Variants in IPO11 observed in about 807,000 individuals in gnomAD.
IPO11 encodes importin 11, also known as importin-11.
IPO11 carries 66 observed loss-of-function variants against 143.2 expected under a neutral mutation model. That is an observed-to-expected ratio of 0.46 (90% CI 0.38 to 0.57). The LOEUF is 0.57. Among genes scored for constraint, IPO11 ranks in the 20% least tolerant of loss-of-function variants. The pLI is 0.00. For synonymous variants in IPO11, 385 were observed against 377.8 expected (o/e 1.02, Z -0.22); for missense variants, 1,026 against 1,141.0 (o/e 0.90, Z 1.45).
chr5:62,513,418 C>A (rs976500289), intron 19 of IPO11, among the ~76,000 whole-genome samples: 1 of 141,314 alleles, frequency 7.1e-6, no homozygotes, highest in South Asian at 2.3e-4. Flanking sequence ...GCGCTGACCC[C>A]CCCCCCACCT....
chr5:62,522,907 C>G (rs1342976385), intron 20 of IPO11, among the ~76,000 whole-genome samples: 1 of 152,196 alleles, frequency 6.6e-6, no homozygotes, highest in Admixed American at 6.5e-5. Flanking sequence ...TAGAAGTCCT[C>G]TTATTATTAA....
At chr5:62,597,316 T>C (rs1342818119) in intron 28 of IPO11, among the ~76,000 whole-genome samples, 1 of 152,228 alleles carries the variant, frequency 6.6e-6, no homozygotes, top group Non-Finnish European at 1.5e-5. Flanking sequence ...AAAGTAGGTT[T>C]ATCAGGTGTT....
intron 27 of IPO11, chr5:62,581,435 T>G (rs1020447459): frequency 9.0e-6 from 7 of 778,668 alleles, no homozygotes; most frequent in African/African-American, 3.7e-5. Flanking sequence ...TATTAAAATA[T>G]GTTTTTAATA....
At chr5:62,512,075 G>A (rs1261976735) in intron 19 of IPO11, among the ~76,000 whole-genome samples, 1 of 152,220 alleles carries the variant, frequency 6.6e-6, no homozygotes, top group African/African-American at 2.4e-5. Flanking sequence ...GGTGGAGGTG[G>A]CTCTACTCAA....
At chr5:62,624,917 G>A (rs916537060) in intron 29 of IPO11, among the ~76,000 whole-genome samples, 12 of 150,952 alleles carry the variant, frequency 7.9e-5, no homozygotes, top group Non-Finnish European at 1.5e-4. Flanking sequence ...CCCAGGAGGC[G>A]GAGCTTGCAG....
At chr5:62,494,223 A>T in intron 16 of IPO11, 99 bp downstream of exon 16, 2 of 1,084,192 alleles carry the variant, frequency 1.8e-6, no homozygotes, top group Non-Finnish European at 2.6e-6. Context: ...TATGATGTTT[A>T]TGGCCTTTCA....
chr5:62,444,728 G>T (rs866060040), intron 3 of IPO11, among the ~76,000 whole-genome samples: 3 of 151,994 alleles, frequency 2.0e-5, no homozygotes, highest in Non-Finnish European at 2.9e-5. Context: ...AATTAGCCAG[G>T]TGTGGTGGCG....
chr5:62,447,544 C>T (rs1052708742), intron 3 of IPO11, among the ~76,000 whole-genome samples: 1 of 151,676 alleles, frequency 6.6e-6, no homozygotes, highest in Non-Finnish European at 1.5e-5. Context: ...GAAGTAGGGA[C>T]GTGTTCTTTC....
chr5:62,556,830 CTT>C (rs1277047719), intron 26 of IPO11, among the ~76,000 whole-genome samples: 2 of 152,090 alleles, frequency 1.3e-5, no homozygotes, highest in Non-Finnish European at 2.9e-5. Flanking sequence ...TTTCCATCCT[CTT>C]TTATTTTTCC....
At chr5:62,518,443 C>CAA (rs34612879) in intron 20 of IPO11, among the ~76,000 whole-genome samples, 20 of 132,724 alleles carry the variant, frequency 1.5e-4, no homozygotes, top group Non-Finnish European at 2.0e-4. Flanking sequence ...GACTCTGTCT[C>CAA]AAAAAAAAAA....
intron 1 of IPO11, among the ~76,000 whole-genome samples, chr5:62,426,112 C>G (rs1040729918): frequency 1.3e-5 from 2 of 152,136 alleles, no homozygotes; most frequent in Non-Finnish European, 2.9e-5. Flanking sequence ...ACCGGCTGGT[C>G]GTGGTGGCTC....
chr5:62,471,931 T>C (rs1369141611), intron 7 of IPO11, among the ~76,000 whole-genome samples: 1 of 152,212 alleles, frequency 6.6e-6, no homozygotes, highest in Non-Finnish European at 1.5e-5. Context: ...AAATGTTGGG[T>C]TAAGCATATG....
intron 24 of IPO11, among the ~76,000 whole-genome samples, chr5:62,537,737 G>A (rs761012982): frequency 2.2e-4 from 33 of 151,968 alleles, no homozygotes; most frequent in African/African-American, 3.4e-4. Context: ...AGAATACCAC[G>A]TTTGTTGATA....
intron 12 of IPO11, among the ~76,000 whole-genome samples, chr5:62,486,704 A>AT (rs957988950): frequency 1.3e-5 from 2 of 152,174 alleles, no homozygotes; most frequent in African/African-American, 4.8e-5. Context: ...ATTACTGGTG[A>AT]TTTTAAAACT....
At chr5:62,577,301 AT>A in intron 27 of IPO11, among the ~76,000 whole-genome samples, 1 of 152,070 alleles carries the variant, frequency 6.6e-6, no homozygotes, top group Non-Finnish European at 1.5e-5. Context: ...TTATTTTGTC[AT>A]TTTTCCTTAA....
intron 28 of IPO11, among the ~76,000 whole-genome samples, chr5:62,598,527 T>TTTC (rs1554057723): frequency 2.9e-4 from 2 of 6,888 alleles, no homozygotes; most frequent in Admixed American, 2.1e-3. Flanking sequence ...TCTTTCTTTC[T>TTTC]TTTCTTTCTT....
intron 28 of IPO11, among the ~76,000 whole-genome samples, chr5:62,600,872 A>G (rs1195606148): frequency 2.0e-5 from 3 of 152,214 alleles, no homozygotes; most frequent in Non-Finnish European, 4.4e-5. Flanking sequence ...ATGGTAGGAA[A>G]TAGAAACGAA....
At chr5:62,504,944 G>T in intron 18 of IPO11, 46 bp downstream of exon 18, 7 of 1,134,462 alleles carry the variant, frequency 6.2e-6, no homozygotes, top group Non-Finnish European at 8.9e-6. Flanking sequence ...AACAATTTCT[G>T]CTTATGTCTT....
Position 62,598,379 on chromosome 5 carries a change from G to T in IPO11, c.2679-3385G>T, listed in dbSNP as rs1214687725. ...ATGTGAAACGACCCATAAATTGTTTGCTTGCTTGCTTGCTTTCTTTCTTTC... is the reference window on the plus strand; with the variant it reads ...ATGTGAAACGACCCATAAATTGTTTTCTTGCTTGCTTGCTTTCTTTCTTTC... On this transcript the variant is annotated intron_variant, in intron 28 of 29. Transcript: ENST00000325324. Among the ~76,000 whole-genome samples the T allele has an allele frequency of 2.9e-4, 14 of 48,574 alleles. 1 individual carries two copies. The East Asian group carries it at 3.8e-3, about 13-fold the overall frequency. 31.9% of individuals were successfully genotyped at this position (48,574 alleles called of 152,430 possible). A position where few individuals can be genotyped will look rare whatever the true frequency, so the allele number is the denominator to read the frequency against.
Sources: allele counts gnomAD v4.1 joint callset (sites outside exome capture counted in the v4.1 genomes callset), GRCh38; gene constraint gnomAD v4.1.1; transcripts MANE v1.5; gene names NCBI Gene and HGNC (gene_info 2026-07-23, HGNC 2026-07-21).